Variants in SPOCK1 observed in about 807,000 individuals in gnomAD.
SPOCK1 encodes the protein SPARC (osteonectin), cwcv and kazal like domains proteoglycan 1.
SPOCK1 carries 23 observed loss-of-function variants against 55.3 expected under a neutral mutation model. The ratio of observed to expected loss-of-function variants is 0.42; its 90% confidence interval spans 0.30 to 0.59. The LOEUF (loss-of-function observed/expected upper bound fraction) is 0.59, where lower values mean the gene tolerates loss of function less well. Among genes scored for constraint, SPOCK1 ranks in the 20% least tolerant of loss-of-function variants. The pLI, the probability that SPOCK1 is intolerant of heterozygous loss-of-function variation, is 0.22. For missense variants in SPOCK1, 499 were observed against 552.5 expected (o/e 0.90, Z 0.97); for synonymous variants, 226 against 221.0 (o/e 1.02, Z -0.20).
At chr5:137,222,576 G>C (rs1395345592) in intron 3 of SPOCK1, among the ~76,000 whole-genome samples, 1 of 152,136 alleles carries the variant, frequency 6.6e-6, no homozygotes, top group Non-Finnish European at 1.5e-5. Flanking sequence ...CTGTCAAGTG[G>C]TTAGCCAACA....
intron 2 of SPOCK1, among the ~76,000 whole-genome samples, chr5:137,404,885 A>T (rs1012454272): frequency 3.9e-5 from 6 of 152,142 alleles, no homozygotes; most frequent in African/African-American, 1.4e-4. Context: ...CACCACCCAC[A>T]AAGTTACGTT....
chr5:137,284,013 G>A (rs1028327733), intron 2 of SPOCK1, among the ~76,000 whole-genome samples: 4 of 152,200 alleles, frequency 2.6e-5, no homozygotes, highest in Admixed American at 2.6e-4. Context: ...TCCATGGCCT[G>A]CCAAGCACCG....
chr5:137,175,504 C>G (rs1754837455), intron 3 of SPOCK1, among the ~76,000 whole-genome samples: 1 of 152,154 alleles, frequency 6.6e-6, no homozygotes, highest in South Asian at 2.1e-4. Flanking sequence ...CTGCCAGTTC[C>G]TGGAATTGCT....
At chr5:137,214,598 A>G (rs1755679618) in intron 3 of SPOCK1, among the ~76,000 whole-genome samples, 1 of 152,254 alleles carries the variant, frequency 6.6e-6, no homozygotes, top group Non-Finnish European at 1.5e-5. Context: ...GCTGTGGTCT[A>G]TACCTTCAAA....
chr5:137,206,745 T>C (rs1403512824), intron 3 of SPOCK1, among the ~76,000 whole-genome samples: 2 of 152,242 alleles, frequency 1.3e-5, no homozygotes, highest in Non-Finnish European at 2.9e-5. Context: ...AATATCATCA[T>C]AGCTGACATT....
At chr5:137,436,338 G>A (rs958107326) in intron 2 of SPOCK1, among the ~76,000 whole-genome samples, 9 of 151,986 alleles carry the variant, frequency 5.9e-5, no homozygotes, top group African/African-American at 2.2e-4. Flanking sequence ...GTGAGGAAAG[G>A]CTCTAATCCC....
chr5:137,283,605 C>G (rs1446803066), intron 2 of SPOCK1, among the ~76,000 whole-genome samples: 1 of 152,040 alleles, frequency 6.6e-6, no homozygotes, highest in South Asian at 2.1e-4. Flanking sequence ...GTCCCAGCTA[C>G]CTGGGAGGAT....
intron 5 of SPOCK1, among the ~76,000 whole-genome samples, chr5:137,077,949 T>C (rs562006741): frequency 1.3e-5 from 2 of 152,230 alleles, no homozygotes; most frequent in South Asian, 2.1e-4. Flanking sequence ...ACTTTCATTT[T>C]ACAGATGAGA....
At chr5:137,267,501 T>G (rs1756883125) in intron 2 of SPOCK1, among the ~76,000 whole-genome samples, 1 of 152,202 alleles carries the variant, frequency 6.6e-6, no homozygotes, top group Non-Finnish European at 1.5e-5. Context: ...GTTCCAGTTT[T>G]TCAATACTCA....
chr5:137,028,451 A>G (rs1432655060), intron 6 of SPOCK1, among the ~76,000 whole-genome samples: 2 of 152,232 alleles, frequency 1.3e-5, no homozygotes, highest in African/African-American at 4.8e-5. Flanking sequence ...CAATATGTTC[A>G]GTGGCCTCTT....
intron 3 of SPOCK1, among the ~76,000 whole-genome samples, chr5:137,227,423 A>G (rs1755966349): frequency 6.6e-6 from 1 of 152,232 alleles, no homozygotes. Context: ...GCAAGAGCAG[A>G]ATTGGTCACT....
At chr5:137,360,868 T>C (rs72796529) in intron 2 of SPOCK1, among the ~76,000 whole-genome samples, 10,717 of 152,324 alleles carry the variant, frequency 0.07, 512 homozygotes, top group Admixed American at 0.15. Context: ...GGGTCCCTTC[T>C]GTACATGTTT....
At chr5:137,338,196 G>C (rs942215069) in intron 2 of SPOCK1, among the ~76,000 whole-genome samples, 6 of 122,500 alleles carry the variant, frequency 4.9e-5, no homozygotes, top group Admixed American at 3.9e-4. Context: ...AGTCCCCAGC[G>C]TGTGATGTTC....
chr5:137,078,494 TG>T (rs2127012171), intron 5 of SPOCK1, among the ~76,000 whole-genome samples: 1 of 152,216 alleles, frequency 6.6e-6, no homozygotes, highest in African/African-American at 2.4e-5. Flanking sequence ...GCTGTGATGG[TG>T]GGTAGGGAGA....
chr5:137,315,069 C>T (rs887380846), intron 2 of SPOCK1, among the ~76,000 whole-genome samples: 2 of 152,196 alleles, frequency 1.3e-5, no homozygotes, highest in African/African-American at 4.8e-5. Flanking sequence ...TGTCTGCTTA[C>T]CCCTGCCAAT....
chr5:137,061,099 G>T (rs1293554423), intron 6 of SPOCK1, among the ~76,000 whole-genome samples: 1 of 152,218 alleles, frequency 6.6e-6, no homozygotes, highest in African/African-American at 2.4e-5. Context: ...GTATCGAAAG[G>T]TTAGTATAAA....
At chr5:137,260,050 C>A (rs1465945683) in intron 3 of SPOCK1, among the ~76,000 whole-genome samples, 1 of 152,206 alleles carries the variant, frequency 6.6e-6, no homozygotes, top group African/African-American at 2.4e-5. Flanking sequence ...TCTGCCTGAA[C>A]TTAACTACCA....
intron 3 of SPOCK1, among the ~76,000 whole-genome samples, chr5:137,160,741 A>C (rs1369797767): frequency 7.4e-6 from 1 of 135,358 alleles, no homozygotes; most frequent in Non-Finnish European, 1.5e-5. Flanking sequence ...GTGTGGATGC[A>C]GTGAACAGGG....
At chr5:137,353,253 C>T (rs1332792317) in intron 2 of SPOCK1, among the ~76,000 whole-genome samples, 2 of 152,102 alleles carry the variant, frequency 1.3e-5, no homozygotes, top group African/African-American at 4.8e-5. Context: ...CGGTGATGTA[C>T]GCCTGTAGTC....
Sources: gnomAD v4.1 joint callset for allele counts (sites outside exome capture counted in the v4.1 genomes callset) on GRCh38, gnomAD v4.1.1 for gene constraint, MANE v1.5 for transcripts, NCBI Gene and HGNC (gene_info 2026-07-23, HGNC 2026-07-21) for gene names.